Variants in DDHD1 observed in about 807,000 individuals in gnomAD.
The protein encoded by DDHD1 is phospholipase DDHD1.
DDHD1 carries 49 observed loss-of-function variants against 96.4 expected under a neutral mutation model. The ratio of observed to expected loss-of-function variants is 0.51; its 90% confidence interval spans 0.40 to 0.64. The LOEUF (loss-of-function observed/expected upper bound fraction) is 0.64, where lower values mean the gene tolerates loss of function less well. Ranked by LOEUF, DDHD1 falls within the 30% of genes least tolerant of loss-of-function variation. DDHD1 has a pLI of 0.00. For synonymous variants in DDHD1, 442 were observed against 446.5 expected (o/e 0.99, Z 0.13); for missense variants, 1,106 against 1,161.2 (o/e 0.95, Z 0.69).
intron 4 of DDHD1, among the ~76,000 whole-genome samples, chr14:53,080,263 A>G (rs1014868591): frequency 6.6e-6 from 1 of 152,190 alleles, no homozygotes; most frequent in African/African-American, 2.4e-5. Context: ...TGGGAGGCTG[A>G]GGCAGAAGAA....
intron 6 of DDHD1, among the ~76,000 whole-genome samples, chr14:53,067,228 G>A (rs965802498): frequency 6.7e-5 from 10 of 149,118 alleles, no homozygotes; most frequent in African/African-American, 2.2e-4. Context: ...GCGTGACCTC[G>A]ACTAACTGCA....
At chr14:53,053,779 G>A (rs1474868711) in intron 11 of DDHD1, 2 of 152,066 alleles carry the variant, frequency 1.3e-5, no homozygotes, top group Non-Finnish European at 2.9e-5. Flanking sequence ...TAAAAATAAT[G>A]TTCAAGTTCA....
rs1223998646 is a variant in DDHD1, at chr14:53,072,638, T to C, written c.1462A>G (p.Met488Val). The change falls in exon 6 of 13, where the codon ATG (methionine) becomes GTG (valine). Residue 488 changes from methionine to valine, a missense_variant. This residue lies in a region of DDHD1 where 650 missense variants were observed against 758.8 expected (regional missense o/e 0.86). Transcript: ENST00000673822. ...GGACTAGTATAATACATTATGTCCATTGCACTGCTGTTCAGCATATCCCTT... is the reference window on the plus strand; with the variant it reads ...GGACTAGTATAATACATTATGTCCACTGCACTGCTGTTCAGCATATCCCTT... Reference protein sequence around the residue: ...GLRDMLNSSAMDIMYYTSPLY... With the variant: ...GLRDMLNSSAVDIMYYTSPLY... 2 of 1,610,032 alleles carry C rather than the reference T, an allele frequency of 1.2e-6. No individual in the cohort carries two copies. The highest frequency in any genetic ancestry group is 1.7e-6 in the Non-Finnish European group (2 of 1,177,284).
At chr14:53,064,131 T>C (rs1201966141) in intron 6 of DDHD1, among the ~76,000 whole-genome samples, 3 of 152,114 alleles carry the variant, frequency 2.0e-5, no homozygotes, top group Non-Finnish European at 1.5e-5. Flanking sequence ...AAATACTACA[T>C]GGCTCTGTCT....
At chr14:53,054,149 G>A (rs1882840139) in intron 11 of DDHD1, 1 of 285,716 alleles carries the variant, frequency 3.5e-6, no homozygotes, top group South Asian at 1.1e-4. Context: ...AACTTCAGGG[G>A]GTACTTACCC....
intron 1 of DDHD1, among the ~76,000 whole-genome samples, chr14:53,127,064 T>G (rs1889501988): frequency 6.6e-6 from 1 of 152,186 alleles, no homozygotes; most frequent in African/African-American, 2.4e-5. Flanking sequence ...CAAGCACAGA[T>G]GTAAACGCTT....
rs144520958 is a variant in DDHD1 at position 53,152,100 on chromosome 14, T to G, written c.838+161A>C. Among the ~76,000 whole-genome samples the G allele has an allele frequency of 1.1e-3, 173 of 152,280 alleles. 1 individual carries two copies. Among genetic ancestry groups the G allele is most frequent in the African/African-American group, 3.6e-3 (150 of 41,560 alleles). ...GGTTTTGCCATCTGCTCGTTTACCC[T>G]TCAGCTGCCGACGCTCCCTGCTCAA... On this transcript the variant is annotated intron_variant, in intron 1 of 12. Coordinates refer to ENST00000673822, the MANE Select transcript of DDHD1 (RefSeq NM_001160148.2).
chr14:53,073,935 CA>C (rs1304467049), intron 4 of DDHD1, 88 bp from the exon 5 acceptor site: 3 of 1,158,432 alleles, frequency 2.6e-6, no homozygotes, highest in Non-Finnish European at 3.7e-6. Flanking sequence ...TGTGTTTAAT[CA>C]TAACACTTCC....
chr14:53,127,997 C>T (rs903441855), intron 1 of DDHD1, among the ~76,000 whole-genome samples: 1 of 152,142 alleles, frequency 6.6e-6, no homozygotes, highest in Non-Finnish European at 1.5e-5. Context: ...ACAGAACACG[C>T]GGGTGGTTGC....
At chr14:53,133,783 T>A (rs1423022991) in intron 1 of DDHD1, among the ~76,000 whole-genome samples, 1 of 152,152 alleles carries the variant, frequency 6.6e-6, no homozygotes, top group African/African-American at 2.4e-5. Context: ...GCTGCTAATC[T>A]TCTCTTGCCT....
Position 53,060,597 on chromosome 14 carries a change from A to G in DDHD1, c.1842+529T>C, listed in dbSNP as rs1446044315. On this transcript the variant is annotated intron_variant, in intron 8 of 12. Coordinates refer to ENST00000673822, the MANE Select transcript of DDHD1 (RefSeq NM_001160148.2). The stretch of plus-strand genomic sequence containing the variant: ...ATATACTTCCTCTGATTTTTTTCTC[A>G]CCACTGACCAACTAGGTGGTCATTA... 3.9e-5 allele frequency among the ~76,000 whole-genome samples: 6 copies of G among 152,068 alleles called. No individual in the cohort carries two copies. The South Asian group carries it at 1.2e-3, about 31-fold the overall frequency.
chr14:53,080,307 A>G lies in DDHD1; in HGVS notation c.1290-6460T>C, dbSNP rs142766478. On this transcript the variant is annotated intron_variant, in intron 4 of 12. Coordinates refer to ENST00000673822, the MANE Select transcript of DDHD1 (RefSeq NM_001160148.2). ...ACCCAGGAGGTGGAGGCTGCAGTGA[A>G]CTGAGATCATGCCACTGCACAACAG... 2.7e-3 allele frequency among the ~76,000 whole-genome samples: 417 copies of G among 152,200 alleles called. 1 individual carries two copies. The highest frequency in any genetic ancestry group is 9.6e-3 in the African/African-American group (399 of 41,548).
intron 6 of DDHD1, among the ~76,000 whole-genome samples, chr14:53,070,937 C>T (rs560009355): frequency 6.6e-6 from 1 of 152,114 alleles, no homozygotes; most frequent in Non-Finnish European, 1.5e-5. Context: ...ACCCTTCTTT[C>T]TCTTATGAAA....
At chr14:53,048,922 A>T (rs2139813710) in intron 12 of DDHD1, 1 of 152,352 alleles carries the variant, frequency 6.6e-6, no homozygotes. Context: ...TGAAGACCAC[A>T]AAGTTATAAT....
rs1881873954 is a variant in DDHD1, at chr14:53,044,465, C to T, written c.*2303G>A. ...CATATTCTAGTGGTTAAGAATAAAT[C>T]CCTTCAAGTTCTTATGCATTTGAGT... On this transcript the variant is annotated 3_prime_UTR_variant, in exon 13 of 13. Coordinates refer to ENST00000673822, the MANE Select transcript of DDHD1 (RefSeq NM_001160148.2). 6.6e-6 allele frequency: 1 copy of T among 152,078 alleles called. No individual in the cohort carries two copies. Among genetic ancestry groups the T allele is most frequent in the Non-Finnish European group, 1.5e-5 (1 of 68,016 alleles). The allele number at this position is 152,078 out of a possible 1,614,324, so 9.4% of individuals were successfully genotyped here.
At chr14:53,082,049 T>G (rs986853472) in intron 4 of DDHD1, among the ~76,000 whole-genome samples, 2 of 152,182 alleles carry the variant, frequency 1.3e-5, no homozygotes, top group African/African-American at 2.4e-5. Context: ...TAAGAACTAC[T>G]GAGACCAATG....
At chr14:53,140,559 C>CA (rs1214672497) in intron 1 of DDHD1, among the ~76,000 whole-genome samples, 1 of 151,966 alleles carries the variant, frequency 6.6e-6, no homozygotes, top group Non-Finnish European at 1.5e-5. Context: ...CAAAAAAACT[C>CA]AGAGAACACA....
At chr14:53,103,005 TA>T in intron 2 of DDHD1, 3 of 1,552,340 alleles carry the variant, frequency 1.9e-6, no homozygotes, top group South Asian at 1.2e-5. Flanking sequence ...CTACAAATTC[TA>T]ATCTACCTGT....
chr14:53,041,918 G>C lies in DDHD1; in HGVS notation c.*4850C>G, dbSNP rs1232005127. 6.6e-6 allele frequency: 1 copy of C among 152,192 alleles called. No individual in the cohort carries two copies. The highest frequency in any genetic ancestry group is 1.5e-5 in the Non-Finnish European group (1 of 68,060). 9.4% of individuals were successfully genotyped at this position (152,192 alleles called of 1,614,324 possible). On this transcript the variant is annotated 3_prime_UTR_variant, in exon 13 of 13. Coordinates refer to ENST00000673822, the MANE Select transcript of DDHD1 (RefSeq NM_001160148.2). The stretch of plus-strand genomic sequence containing the variant: ...GGGGAGGTTGGGGGACAAAAACAAA[G>C]AGAGGCAGTTTCTGCCCTTTAGGAG...
Sources: gnomAD v4.1 joint callset for allele counts (sites outside exome capture counted in the v4.1 genomes callset) on GRCh38, gnomAD v4.1.1 for gene constraint, gnomAD v4.1.1 regional missense constraint, MANE v1.5 for transcripts, NCBI Gene and HGNC (gene_info 2026-07-23, HGNC 2026-07-21) for gene names.